HEMK2: variants seen among roughly 807,000 people sequenced by gnomAD.
HEMK2 encodes HemK methyltransferase 2, ETF1 glutamine and histone H4 lysine, also known as methyltransferase HEMK2.
the HEMK2 span, among the ~76,000 whole-genome samples, chr21:28,864,586 C>T: frequency 6.6e-5 from 10 of 152,260 alleles, no homozygotes; most frequent in Non-Finnish European, 1.0e-4. Flanking sequence ...CTCCTCAACC[C>T]GGACCCATAT....
At chr21:28,618,682 A>G in the HEMK2 span, among the ~76,000 whole-genome samples, 1 of 152,172 alleles carries the variant, frequency 6.6e-6, no homozygotes, top group Non-Finnish European at 1.5e-5. Flanking sequence ...CAATGATCCT[A>G]TACAACACTC....
the HEMK2 span, among the ~76,000 whole-genome samples, chr21:28,796,349 A>G: frequency 2.0e-5 from 3 of 152,110 alleles, no homozygotes; most frequent in African/African-American, 7.2e-5. Context: ...CATGTTGGCC[A>G]GGCTGGTCTA....
the HEMK2 span, among the ~76,000 whole-genome samples, chr21:28,801,711 T>C: frequency 6.6e-6 from 1 of 152,096 alleles, no homozygotes; most frequent in East Asian, 1.9e-4. Context: ...TAAGATTAGG[T>C]TAAATCATAT....
chr21:28,836,523 C>T, the HEMK2 span, among the ~76,000 whole-genome samples: 1 of 151,776 alleles, frequency 6.6e-6, no homozygotes, highest in African/African-American at 2.4e-5. Flanking sequence ...GGAAACACAT[C>T]AAAACAGAAC....
chr21:28,686,979 G>T, the HEMK2 span, among the ~76,000 whole-genome samples: 2 of 152,140 alleles, frequency 1.3e-5, no homozygotes, highest in Admixed American at 6.6e-5. Context: ...ACAAACACTA[G>T]ATTCAGCAAT....
chr21:28,882,826 T>C, the HEMK2 span, among the ~76,000 whole-genome samples: 2 of 152,212 alleles, frequency 1.3e-5, no homozygotes, highest in African/African-American at 4.8e-5. Flanking sequence ...GATGGAGCAG[T>C]TTGAACATGA....
the HEMK2 span, among the ~76,000 whole-genome samples, chr21:28,866,767 C>T: frequency 3.3e-5 from 5 of 151,948 alleles, no homozygotes; most frequent in African/African-American, 7.3e-5. Flanking sequence ...AAAATTGACA[C>T]GATTGAGTAG....
the HEMK2 span, among the ~76,000 whole-genome samples, chr21:28,683,094 C>A: frequency 6.7e-6 from 1 of 150,366 alleles, no homozygotes; most frequent in African/African-American, 2.4e-5. Context: ...AAATAAAATT[C>A]TTTAAAATAT....
At chr21:28,603,547 A>ATGTGTG in the HEMK2 span, among the ~76,000 whole-genome samples, 141 of 80,816 alleles carry the variant, frequency 1.7e-3, no homozygotes, top group African/African-American at 5.7e-3. Flanking sequence ...CTGAGGATAT[A>ATGTGTG]TATGTGTGTG....
At chr21:28,584,785 G>A in the HEMK2 span, among the ~76,000 whole-genome samples, 3 of 151,988 alleles carry the variant, frequency 2.0e-5, no homozygotes, top group East Asian at 1.9e-4. Flanking sequence ...GCACTATAAC[G>A]GAGAGGGTGA....
chr21:28,684,965 T>C, the HEMK2 span, among the ~76,000 whole-genome samples: 2 of 152,210 alleles, frequency 1.3e-5, no homozygotes, highest in Admixed American at 6.5e-5. Flanking sequence ...TAATGTACTA[T>C]TGCAATAGGG....
the HEMK2 span, among the ~76,000 whole-genome samples, chr21:28,757,659 A>G: frequency 2.0e-5 from 3 of 152,254 alleles, no homozygotes; most frequent in Non-Finnish European, 4.4e-5. Context: ...AATCGACAGC[A>G]GATAGAACAA....
At chr21:28,730,418 A>ACACACACACACACACAATTTAT in the HEMK2 span, among the ~76,000 whole-genome samples, 5,299 of 141,930 alleles carry the variant, frequency 0.037, 250 homozygotes, top group African/African-American at 0.11. Flanking sequence ...ACACACACAC[A>ACACACACACACACACAATTTAT]TTTCTCACAA....
At chr21:28,682,149 T>C in the HEMK2 span, among the ~76,000 whole-genome samples, 22 of 151,704 alleles carry the variant, frequency 1.5e-4, 1 homozygote, top group Middle Eastern at 3.4e-3. Context: ...TGCAATCTAC[T>C]CATCTGACAA....
At chr21:28,814,019 C>A in the HEMK2 span, among the ~76,000 whole-genome samples, 60 of 152,200 alleles carry the variant, frequency 3.9e-4, 1 homozygote, top group East Asian at 0.011. Flanking sequence ...GAGCGGATCA[C>A]GAGGTCAGGA....
the HEMK2 span, among the ~76,000 whole-genome samples, chr21:28,724,726 T>C: frequency 6.6e-6 from 1 of 150,800 alleles, no homozygotes; most frequent in Non-Finnish European, 1.5e-5. Flanking sequence ...TGCATTTGCT[T>C]TCTGGCTTTT....
chr21:28,590,206 T>C, the HEMK2 span, among the ~76,000 whole-genome samples: 2 of 152,172 alleles, frequency 1.3e-5, no homozygotes, highest in Admixed American at 6.5e-5. Flanking sequence ...GATTCAACTA[T>C]GGGTAAGATT....
the HEMK2 span, among the ~76,000 whole-genome samples, chr21:28,690,800 G>A: frequency 3.3e-5 from 5 of 152,018 alleles, no homozygotes; most frequent in Admixed American, 1.3e-4. Flanking sequence ...AAATCAACAC[G>A]TCTGTTACTT....
chr21:28,776,363 C>G, the HEMK2 span, among the ~76,000 whole-genome samples: 4 of 152,162 alleles, frequency 2.6e-5, no homozygotes, highest in African/African-American at 7.2e-5. Flanking sequence ...ATCAGTTGCA[C>G]CAGCCCAGAA....
Sources: gnomAD v4.1 joint callset for allele counts (sites outside exome capture counted in the v4.1 genomes callset) on GRCh38, gnomAD v4.1.1 for gene constraint, MANE v1.5 for transcripts, NCBI Gene and HGNC (gene_info 2026-07-23, HGNC 2026-07-21) for gene names.